Variants in EIF3A observed in about 807,000 individuals in gnomAD.
The protein encoded by EIF3A is EIF3, p180 subunit.
Under a neutral mutation model 186.6 loss-of-function variants are expected in EIF3A, and 21 were observed. The observed-to-expected ratio is 0.11, with a 90% CI of 0.08 to 0.16. EIF3A has a LOEUF of 0.16. Ranked by LOEUF, EIF3A falls within the 10% of genes least tolerant of loss-of-function variation. The pLI, the probability that EIF3A is intolerant of heterozygous loss-of-function variation, is 1.00. For synonymous variants in EIF3A, 563 were observed against 584.3 expected (o/e 0.96, Z 0.52); for missense variants, 1,306 against 1,796.3 (o/e 0.73, Z 4.93).
chr10:119,064,835 G>A (rs561307607), intron 7 of EIF3A, among the ~76,000 whole-genome samples: 5 of 152,220 alleles, frequency 3.3e-5, no homozygotes, highest in Admixed American at 2.0e-4. Context: ...AGCCTCCTGC[G>A]TAGCTGGGAT....
Position 119,042,252 on chromosome 10 carries a change from T to C in EIF3A, c.3268A>G (p.Arg1090Gly). ...CCCCGGTCATCATCCATGCCTCGCCTGGGACCCCGGTCATCATCCATGCCT... is the reference window on the plus strand; with the variant it reads ...CCCCGGTCATCATCCATGCCTCGCCCGGGACCCCGGTCATCATCCATGCCT... The part of the protein sequence containing the change: ...RRGMDDDRGP[R>G]RGMDDDRGPR... The change falls in exon 19 of 22, where the codon AGG (arginine) becomes GGG (glycine). Residue 1090 changes from arginine to glycine, a missense_variant. Around this residue, in one of 8 missense-constraint regions of EIF3A, gnomAD observed 27 missense variants for 64.8 expected, o/e 0.42. Coordinates refer to ENST00000369144, the MANE Select transcript of EIF3A (RefSeq NM_003750.4). The surrounding 1 kb of genome is among the most constrained non-coding windows in gnomAD (Gnocchi z 7.8). 3 of 1,612,864 alleles carry C rather than the reference T, an allele frequency of 1.9e-6. No homozygotes were observed. The highest frequency in any genetic ancestry group is 2.5e-6 in the Non-Finnish European group (3 of 1,179,684).
chr10:119,037,270 A>G lies in EIF3A; in HGVS notation c.3768T>C (p.Ser1256=). The G allele has an allele frequency of 1.2e-6, 2 of 1,614,092 alleles. No homozygotes were observed. The highest frequency in any genetic ancestry group is 1.7e-6 in the Non-Finnish European group (2 of 1,180,010). Residue 1256 remains serine (S), a synonymous_variant, in exon 21 of 22, where the codon TCT becomes TCC. Transcript: ENST00000369144. The stretch of plus-strand genomic sequence containing the variant: ...GGCGACTTGAGTCTCTCCAGCTTGA[A>G]GATTCCTCAGCTGGTCCTCTTCTCC... ...GGWRRGPAEE[S]SSWRDSSRRD... is the part of the protein sequence containing the mutation.
At chr10:119,063,402 A>G (rs12263494) in intron 7 of EIF3A, among the ~76,000 whole-genome samples, 23,669 of 152,204 alleles carry the variant, frequency 0.16, 2,007 homozygotes, top group Admixed American at 0.18. Flanking sequence ...TCTTAAATTG[A>G]CTACTGCAGA....
At chr10:119,073,394 C>A in intron 3 of EIF3A, 47 bp downstream of exon 3, 1 of 1,415,882 alleles carries the variant, frequency 7.1e-7, no homozygotes, top group South Asian at 1.3e-5. Flanking sequence ...TAAAAGAAAA[C>A]ACCAAGTTAA....
At chr10:119,054,352 A>G (rs758204653) in intron 14 of EIF3A, among the ~76,000 whole-genome samples, 2 of 152,152 alleles carry the variant, frequency 1.3e-5, no homozygotes, top group African/African-American at 2.4e-5. Context: ...AACTTTTTCC[A>G]TATCAGCAAT....
At chr10:119,050,764 T>C in intron 15 of EIF3A, 90 bp from the exon 16 acceptor site, 1 of 1,390,600 alleles carries the variant, frequency 7.2e-7, no homozygotes, top group South Asian at 1.2e-5. Flanking sequence ...CAAAAGACTC[T>C]CAAGTGTATC....
At chr10:119,055,843 A>G (rs1843768121) in intron 14 of EIF3A, among the ~76,000 whole-genome samples, 1 of 152,362 alleles carries the variant, frequency 6.6e-6, no homozygotes, top group South Asian at 2.1e-4. Context: ...GCAAGATGAT[A>G]TATGGCTATT....
intron 4 of EIF3A, among the ~76,000 whole-genome samples, chr10:119,072,224 G>A (rs1245360203): frequency 2.7e-4 from 30 of 111,618 alleles, no homozygotes; most frequent in African/African-American, 8.6e-4. Context: ...AAAAAAAAAA[G>A]TAGAGAACTC....
chr10:119,049,682 C>T, intron 17 of EIF3A, 119 bp downstream of exon 17: 2 of 804,280 alleles, frequency 2.5e-6, no homozygotes, highest in Non-Finnish European at 2.0e-6. Context: ...AACCCGGGGG[C>T]TGAGATTGCA....
rs1182819547 is a variant in EIF3A at position 119,051,216 on chromosome 10, G to A, written c.2302C>T (p.Arg768Trp). 9 of 1,608,900 alleles carry A rather than the reference G, an allele frequency of 5.6e-6. No homozygotes were observed. The highest frequency in any genetic ancestry group is 1.1e-5 in the South Asian group (1 of 89,818). ...DLFVMRLKAA[R>W]QSVYEEKLKQ... ...AAGCTCACCTCATAAACAGACTGCC[G>A]TGCAGCTTTGAGTCGCATTACGAAT... is the stretch of plus-strand genomic sequence containing the variant. Residue 768 changes from arginine (R) to tryptophan (W), a missense_variant, in exon 15 of 22, where the codon CGG (arginine) becomes TGG (tryptophan). This residue lies in a region of EIF3A where 410 missense variants were observed against 473.5 expected (regional missense o/e 0.87). Transcript: ENST00000369144.
chr10:119,059,492 A>G, intron 10 of EIF3A, 95 bp from the exon 11 acceptor site: 2 of 1,280,928 alleles, frequency 1.6e-6, no homozygotes, highest in Non-Finnish European at 1.1e-6. Flanking sequence ...GGAAAAGTTC[A>G]CTCAGTAAAC....
chr10:119,077,704 G>A (rs1048612860), intron 1 of EIF3A, among the ~76,000 whole-genome samples: 6 of 151,744 alleles, frequency 4.0e-5, no homozygotes, highest in Non-Finnish European at 8.8e-5. Flanking sequence ...ACAGGTGCCC[G>A]CCACCACACC....
At chr10:119,039,561 T>C (rs1848180534) in intron 19 of EIF3A, among the ~76,000 whole-genome samples, 3 of 152,038 alleles carry the variant, frequency 2.0e-5, no homozygotes, top group Admixed American at 2.0e-4. Flanking sequence ...AGTCTACTAC[T>C]CAGGAGGCTG....
At chr10:119,078,872 G>A (rs956791575) in intron 1 of EIF3A, among the ~76,000 whole-genome samples, 5 of 151,974 alleles carry the variant, frequency 3.3e-5, no homozygotes, top group Non-Finnish European at 7.4e-5. Flanking sequence ...AAAGAGAAGC[G>A]ATAAAGGAAA....
At chr10:119,078,879 G>GA (rs1299616882) in intron 1 of EIF3A, among the ~76,000 whole-genome samples, 2 of 151,958 alleles carry the variant, frequency 1.3e-5, no homozygotes, top group Non-Finnish European at 2.9e-5. Context: ...AGCGATAAAG[G>GA]AAACAAGACC....
chr10:119,073,128 G>A lies in EIF3A; in HGVS notation c.378-75C>T, dbSNP rs940785755. The A allele has an allele frequency of 8.5e-6, 12 of 1,405,926 alleles. No individual in the cohort carries two copies. In the African/African-American group the frequency reaches 1.7e-4, roughly 20 times the overall value. 87.1% of individuals were successfully genotyped at this position (1,405,926 alleles called of 1,614,324 possible). A position where few individuals can be genotyped will look rare whatever the true frequency, so the allele number is the denominator to read the frequency against. On this transcript the variant is annotated intron_variant, in intron 3 of 21. Coordinates refer to ENST00000369144, the MANE Select transcript of EIF3A (RefSeq NM_003750.4). Reference sequence around the variant, plus strand: ...CCATGTGATTAAAAACCAAAACAATGTTCATCAGAAAACAGTGCAAATTCT... The same window carrying A: ...CCATGTGATTAAAAACCAAAACAATATTCATCAGAAAACAGTGCAAATTCT...
At chr10:119,062,078 G>A (rs898062847) in intron 7 of EIF3A, among the ~76,000 whole-genome samples, 91 of 152,252 alleles carry the variant, frequency 6.0e-4, no homozygotes, top group African/African-American at 1.9e-3. Flanking sequence ...TGTAAAATGG[G>A]TACAAGGCTG....
chr10:119,069,250 A>G (rs1268142259), intron 6 of EIF3A, among the ~76,000 whole-genome samples, 196 bp downstream of exon 6: 1 of 152,324 alleles, frequency 6.6e-6, no homozygotes, highest in African/African-American at 2.4e-5. Context: ...ACTGGCATCT[A>G]ATGGGTAGAA....
At chr10:119,061,194 A>C (rs1158289359) in intron 8 of EIF3A, 30 bp downstream of exon 8, 11 of 1,299,894 alleles carry the variant, frequency 8.5e-6, no homozygotes, top group Non-Finnish European at 9.8e-6. Context: ...ACTCTGTGGT[A>C]ACAACCAGAA....
Sources: allele counts gnomAD v4.1 joint callset (sites outside exome capture counted in the v4.1 genomes callset), GRCh38; gene constraint gnomAD v4.1.1; regional missense constraint gnomAD v4.1.1; non-coding constraint Gnocchi (gnomAD v3.1); transcripts MANE v1.5; gene names NCBI Gene and HGNC (gene_info 2026-07-23, HGNC 2026-07-21).